Variants in FHIT observed in about 807,000 individuals in gnomAD.
The protein encoded by FHIT is bis(5'-adenosyl)-triphosphatase.
Under a neutral mutation model 17.9 loss-of-function variants are expected in FHIT, and 19 were observed. The observed-to-expected ratio is 1.06, with a 90% CI of 0.74 to 1.56. The LOEUF is 1.56. Ranked by LOEUF, FHIT falls within the 40% of genes most tolerant of loss-of-function variation. The pLI, the probability that FHIT is intolerant of heterozygous loss-of-function variation, is 0.00. For synonymous variants in FHIT, 81 were observed against 69.7 expected (o/e 1.16, Z -0.81); for missense variants, 248 against 189.2 (o/e 1.31, Z -1.82).
At chr3:61,113,735 C>T (rs1354178566) in intron 2 of FHIT, among the ~76,000 whole-genome samples, 1 of 152,086 alleles carries the variant, frequency 6.6e-6, no homozygotes, top group Non-Finnish European at 1.5e-5. Context: ...CATTGTAACC[C>T]CAGCCTCTAA....
chr3:60,252,827 TA>T (rs11403324), intron 5 of FHIT, among the ~76,000 whole-genome samples: 11 of 149,002 alleles, frequency 7.4e-5, no homozygotes, highest in African/African-American at 2.5e-4. Context: ...CTTCTCAACT[TA>T]AAAAAAAATA....
intron 5 of FHIT, among the ~76,000 whole-genome samples, chr3:60,495,038 T>C (rs1481983934): frequency 1.3e-5 from 2 of 152,156 alleles, no homozygotes; most frequent in African/African-American, 4.8e-5. Context: ...GTTTTCTGAG[T>C]AACCTCCAAA....
At chr3:60,085,289 T>C (rs1181752116) in intron 5 of FHIT, among the ~76,000 whole-genome samples, 2 of 152,180 alleles carry the variant, frequency 1.3e-5, no homozygotes, top group Admixed American at 6.5e-5. Flanking sequence ...GATCATTCTG[T>C]CCAGGTGCCT....
intron 5 of FHIT, among the ~76,000 whole-genome samples, chr3:60,124,025 G>C (rs866697633): frequency 7.5e-4 from 40 of 53,538 alleles, no homozygotes; most frequent in Admixed American, 1.8e-3. Flanking sequence ...GAGAGAGAGA[G>C]AGAGAGAGAG....
At chr3:60,039,954 A>G (rs1020489397) in intron 5 of FHIT, among the ~76,000 whole-genome samples, 2 of 152,200 alleles carry the variant, frequency 1.3e-5, no homozygotes, top group Admixed American at 6.5e-5. Context: ...TAATTCAGTC[A>G]TAAAATATTT....
intron 4 of FHIT, among the ~76,000 whole-genome samples, chr3:60,792,122 C>T (rs1038871678): frequency 2.0e-5 from 3 of 152,182 alleles, no homozygotes; most frequent in African/African-American, 7.2e-5. Context: ...CAGAAGCAGC[C>T]TCCAATGAGG....
intron 4 of FHIT, among the ~76,000 whole-genome samples, chr3:60,582,985 T>C (rs1255265153): frequency 5.9e-5 from 9 of 151,858 alleles, no homozygotes; most frequent in Non-Finnish European, 1.3e-4. Flanking sequence ...AACCAGCCCT[T>C]GCAATCACCA....
intron 5 of FHIT, among the ~76,000 whole-genome samples, chr3:60,397,561 T>C (rs557637358): frequency 6.6e-6 from 1 of 152,316 alleles, no homozygotes; most frequent in Non-Finnish European, 1.5e-5. Context: ...AGGATAGCAG[T>C]AGCTGAGTTC....
chr3:60,924,183 C>G (rs1020664099), intron 3 of FHIT, among the ~76,000 whole-genome samples: 2 of 152,188 alleles, frequency 1.3e-5, no homozygotes, highest in East Asian at 3.9e-4. Flanking sequence ...ACTTAAATGT[C>G]CCTGTCTGAC....
intron 5 of FHIT, among the ~76,000 whole-genome samples, chr3:60,035,619 G>C (rs1701184596): frequency 6.6e-6 from 1 of 152,164 alleles, no homozygotes; most frequent in Non-Finnish European, 1.5e-5. Context: ...ATGGAATCAT[G>C]CAATGAATTA....
At chr3:60,671,777 TA>T (rs11427587) in intron 4 of FHIT, among the ~76,000 whole-genome samples, 9,568 of 139,302 alleles carry the variant, frequency 0.069, 423 homozygotes, top group African/African-American at 0.13. Context: ...CCATCTCTAC[TA>T]AAAAAAAAAA....
At chr3:60,338,608 A>T (rs374237026) in intron 5 of FHIT, among the ~76,000 whole-genome samples, 4 of 152,216 alleles carry the variant, frequency 2.6e-5, no homozygotes, top group Non-Finnish European at 5.9e-5. Flanking sequence ...TTCAAAAAGC[A>T]TGGTTACCAC....
At chr3:60,143,606 T>G (rs1700123942) in intron 5 of FHIT, among the ~76,000 whole-genome samples, 1 of 152,156 alleles carries the variant, frequency 6.6e-6, no homozygotes, top group Admixed American at 6.5e-5. Context: ...TTGGGATAAT[T>G]TGTTATGCAG....
chr3:61,171,286 T>C (rs939519594), intron 2 of FHIT, among the ~76,000 whole-genome samples: 4 of 152,172 alleles, frequency 2.6e-5, no homozygotes, highest in African/African-American at 9.7e-5. Context: ...CTTTGCCCAC[T>C]TTTTTATGGG....
intron 7 of FHIT, among the ~76,000 whole-genome samples, chr3:59,974,009 T>A (rs1168913334): frequency 6.6e-6 from 1 of 151,556 alleles, no homozygotes; most frequent in Non-Finnish European, 1.5e-5. Context: ...ACAAAACTAG[T>A]TTGTGCCACA....
intron 3 of FHIT, among the ~76,000 whole-genome samples, chr3:60,985,917 C>A (rs1050269544): frequency 1.3e-5 from 2 of 152,192 alleles, no homozygotes; most frequent in Non-Finnish European, 2.9e-5. Flanking sequence ...CTCTCAGCTT[C>A]TAGAGGTTGC....
Position 60,203,049 on chromosome 3 carries a change from T to A in FHIT, c.104-188897A>T, listed in dbSNP as rs573979897. ...GTACATAGACATACACACACACGTG[T>A]CTGTAAAATTGGTAAAATCTGACTA... On this transcript the variant is annotated intron_variant, in intron 5 of 9. Transcript: ENST00000492590. 2.0e-5 allele frequency among the ~76,000 whole-genome samples: 3 copies of A among 152,148 alleles called. No individual in the cohort carries two copies. The South Asian group carries it at 6.2e-4, about 32-fold the overall frequency.
intron 5 of FHIT, among the ~76,000 whole-genome samples, chr3:60,429,676 G>A (rs980130949): frequency 3.9e-5 from 6 of 152,050 alleles, no homozygotes; most frequent in Admixed American, 3.9e-4. Context: ...ACCCAATGTG[G>A]TTGGGATGAG....
chr3:60,667,319 T>A (rs1332029623), intron 4 of FHIT, among the ~76,000 whole-genome samples: 1 of 152,102 alleles, frequency 6.6e-6, no homozygotes, highest in African/African-American at 2.4e-5. Context: ...TTGCTCTGAT[T>A]GGGTGGATTC....
Sources: allele counts gnomAD v4.1 joint callset (sites outside exome capture counted in the v4.1 genomes callset), GRCh38; gene constraint gnomAD v4.1.1; transcripts MANE v1.5; gene names NCBI Gene and HGNC (gene_info 2026-07-23, HGNC 2026-07-21).